The following DNAAF11 variants were observed in gnomAD, a reference collection of about 807,000 sequenced individuals.
The protein encoded by DNAAF11 is leucine rich repeat containing 6.
Under a neutral mutation model 60.8 loss-of-function variants are expected in DNAAF11, and 45 were observed. The observed-to-expected ratio is 0.74, with a 90% CI of 0.58 to 0.95. The LOEUF is 0.95. DNAAF11 is among the 40% of genes least tolerant of loss of function. The pLI is 0.00. For synonymous variants in DNAAF11, 191 were observed against 183.5 expected (o/e 1.04, Z -0.33); for missense variants, 546 against 546.2 (o/e 1.00, Z 0.00).
chr8:132,639,211 T>C (rs989017171), intron 3 of DNAAF11, among the ~76,000 whole-genome samples: 3 of 152,174 alleles, frequency 2.0e-5, no homozygotes, highest in Admixed American at 1.3e-4. Context: ...GCAGTTTCTT[T>C]CTATGAGCTA....
chr8:132,678,176 A>C (rs1340496754), upstream of DNAAF11, among the ~76,000 whole-genome samples: 1 of 152,204 alleles, frequency 6.6e-6, no homozygotes, highest in Non-Finnish European at 1.5e-5. Flanking sequence ...GAGGCACTGA[A>C]ATGTGACAGC....
At chr8:132,642,339 G>A (rs1821938623) in intron 3 of DNAAF11, among the ~76,000 whole-genome samples, 1 of 152,186 alleles carries the variant, frequency 6.6e-6, no homozygotes, top group African/African-American at 2.4e-5. Context: ...GCTCAGTGTG[G>A]GCACTTGGCT....
intron 7 of DNAAF11, among the ~76,000 whole-genome samples, chr8:132,622,315 G>A (rs1368426394): frequency 1.3e-5 from 2 of 152,116 alleles, no homozygotes; most frequent in Non-Finnish European, 2.9e-5. Context: ...ATAATGTGAT[G>A]GCAATTTTCA....
rs1563992420 is a variant in DNAAF11, at chr8:132,595,347, G to GAAAAAAAAAAAAAAAAAAA, written c.1141-11569_1141-11568insTTTTTTTTTTTTTTTTTTT. Among the ~76,000 whole-genome samples, 5 of 40,676 alleles carry GAAAAAAAAAAAAAAAAAAA rather than the reference G, an allele frequency of 1.2e-4. 2 individuals are homozygous for GAAAAAAAAAAAAAAAAAAA. The highest frequency in any genetic ancestry group is 9.4e-5 in the Non-Finnish European group (2 of 21,376). 26.7% of individuals were successfully genotyped at this position (40,676 alleles called of 152,430 possible). A position where few individuals can be genotyped will look rare whatever the true frequency, so the allele number is the denominator to read the frequency against. On this transcript the variant is annotated intron_variant, in intron 10 of 11. Transcript: ENST00000620350. ...TTCCCGAAAGAGAGAGAGACAGAGG[G>GAAAAAAAAAAAAAAAAAAA]GAAAAAAAAAAAAAAAAAAAAAAAA...
At chr8:132,677,587 C>A (rs1182233452), upstream of DNAAF11, among the ~76,000 whole-genome samples, 1 of 151,980 alleles carries the variant, frequency 6.6e-6, no homozygotes, top group Non-Finnish European at 1.5e-5. Context: ...TCACTGTTGA[C>A]TTAAAAAAAG....
chr8:132,664,957 T>A (rs1170489081), intron 1 of DNAAF11, among the ~76,000 whole-genome samples: 1 of 152,100 alleles, frequency 6.6e-6, no homozygotes, highest in African/African-American at 2.4e-5. Flanking sequence ...TCCCTTAGCA[T>A]GAATAACTAA....
the DNAAF11 span, among the ~76,000 whole-genome samples, chr8:132,696,472 T>C: frequency 1.3e-5 from 2 of 152,200 alleles, no homozygotes; most frequent in Non-Finnish European, 2.9e-5. Flanking sequence ...GTGAATTTCA[T>C]AGCAGCATTT....
intron 1 of DNAAF11, among the ~76,000 whole-genome samples, chr8:132,669,043 C>A (rs1200529068): frequency 6.6e-6 from 1 of 152,176 alleles, no homozygotes; most frequent in African/African-American, 2.4e-5. Context: ...CCAACTTGGG[C>A]AAGTCAGAAG....
chr8:132,603,681 C>T lies in DNAAF11; in HGVS notation c.1140+6485G>A, dbSNP rs532820955. ...AAAGATTTGAAACAGCAAATAGAGG[C>T]GTCTTTTTTAAAAGTTTTGCAATGA... On this transcript the variant is annotated intron_variant, in intron 10 of 11. Coordinates refer to ENST00000620350, the MANE Select transcript of DNAAF11 (RefSeq NM_012472.6). Among the ~76,000 whole-genome samples the T allele has an allele frequency of 9.9e-5, 15 of 151,792 alleles. No individual in the cohort carries two copies. In the South Asian group the frequency reaches 1.9e-3, roughly 19 times the overall value.
chr8:132,602,748 T>A (rs1817758949), intron 10 of DNAAF11, among the ~76,000 whole-genome samples: 3 of 143,684 alleles, frequency 2.1e-5, no homozygotes, highest in African/African-American at 8.3e-5. Flanking sequence ...ATTTGAAATA[T>A]ATATATATAT....
chr8:132,639,750 A>C (rs1445580062), intron 3 of DNAAF11, among the ~76,000 whole-genome samples: 1 of 152,090 alleles, frequency 6.6e-6, no homozygotes, highest in African/African-American at 2.4e-5. Context: ...GAACTTCCAG[A>C]TATAGCACCT....
At chr8:132,623,884 C>A (rs1395032301) in intron 6 of DNAAF11, among the ~76,000 whole-genome samples, 3 of 152,114 alleles carry the variant, frequency 2.0e-5, no homozygotes, top group Admixed American at 1.3e-4. Flanking sequence ...CAAAAGATTT[C>A]TTTTGTCCCT....
chr8:132,590,322 G>T (rs1563983481), intron 10 of DNAAF11, among the ~76,000 whole-genome samples: 1 of 152,218 alleles, frequency 6.6e-6, no homozygotes, highest in Non-Finnish European at 1.5e-5. Flanking sequence ...GCCCAAGAGG[G>T]TTACTGCAGT....
chr8:132,640,346 C>T (rs1821733328), intron 3 of DNAAF11, among the ~76,000 whole-genome samples: 1 of 152,146 alleles, frequency 6.6e-6, no homozygotes, highest in Non-Finnish European at 1.5e-5. Flanking sequence ...TGACAACAGT[C>T]ATGGTTATTG....
chr8:132,622,508 C>G, intron 7 of DNAAF11, 103 bp downstream of exon 7: 1 of 805,048 alleles, frequency 1.2e-6, no homozygotes, highest in Non-Finnish European at 2.0e-6. Flanking sequence ...TAAGAGCAGT[C>G]AGAAATATTC....
At chr8:132,622,342 T>C (rs1393387416) in intron 7 of DNAAF11, among the ~76,000 whole-genome samples, 2 of 152,208 alleles carry the variant, frequency 1.3e-5, no homozygotes, top group Admixed American at 6.5e-5. Flanking sequence ...AAACTGTATA[T>C]GGTCCAAAGT....
intron 1 of DNAAF11, among the ~76,000 whole-genome samples, chr8:132,664,480 T>C (rs562376691): frequency 1.1e-4 from 16 of 152,342 alleles, no homozygotes; most frequent in African/African-American, 3.8e-4. Context: ...AGAAACTCTT[T>C]CTTCCTTTGA....
upstream of DNAAF11, among the ~76,000 whole-genome samples, chr8:132,678,558 A>AT (rs1405513418): frequency 2.6e-5 from 4 of 151,610 alleles, no homozygotes; most frequent in Non-Finnish European, 4.4e-5. Flanking sequence ...ATTTTTTTAG[A>AT]TTTTTTTATA....
intron 10 of DNAAF11, among the ~76,000 whole-genome samples, chr8:132,585,197 T>C (rs1165115786): frequency 6.6e-6 from 1 of 152,302 alleles, no homozygotes; most frequent in African/African-American, 2.4e-5. Flanking sequence ...GTTTGGGCTC[T>C]GATGGATGCC....
Sources: gnomAD v4.1 joint callset for allele counts (sites outside exome capture counted in the v4.1 genomes callset) on GRCh38, gnomAD v4.1.1 for gene constraint, MANE v1.5 for transcripts, NCBI Gene and HGNC (gene_info 2026-07-23, HGNC 2026-07-21) for gene names.